PBX4: variants seen among roughly 807,000 people sequenced by gnomAD.
PBX4 encodes the protein PBX homeobox 4.
PBX4 carries 26 observed loss-of-function variants against 35.1 expected under a neutral mutation model. That is an observed-to-expected ratio of 0.74 (90% CI 0.54 to 1.03). The LOEUF (loss-of-function observed/expected upper bound fraction) is 1.03. Among genes scored for constraint, PBX4 ranks in the 50% least tolerant of loss-of-function variants. The pLI is 0.00. For synonymous variants in PBX4, 199 were observed against 204.2 expected, an observed-to-expected ratio of 0.97 and a Z score of 0.22; for missense variants, 448 against 504.3, an observed-to-expected ratio of 0.89 and a Z score of 1.07.
At chr19:19,575,141 G>A (rs1310699600) in intron 2 of PBX4, among the ~76,000 whole-genome samples, 2 of 151,800 alleles carry the variant, frequency 1.3e-5, no homozygotes, top group Non-Finnish European at 2.9e-5. Flanking sequence ...GGAGGCTGAG[G>A]CAGGAGAATG....
At chr19:19,588,361 A>G in intron 2 of PBX4, 1 of 1,321,962 alleles carries the variant, frequency 7.6e-7, no homozygotes, top group Non-Finnish European at 1.1e-6. Flanking sequence ...CAGTCATCTG[A>G]TGGCAACACC....
At chr19:19,564,397 G>T (rs2061328061) in intron 6 of PBX4, among the ~76,000 whole-genome samples, 1 of 151,684 alleles carries the variant, frequency 6.6e-6, no homozygotes, top group Admixed American at 6.6e-5. Context: ...TATCATTGTT[G>T]GACATTTGGG....
intron 1 of PBX4, among the ~76,000 whole-genome samples, chr19:19,612,045 G>A (rs1479128471): frequency 6.6e-6 from 1 of 152,054 alleles, no homozygotes; most frequent in Non-Finnish European, 1.5e-5. Flanking sequence ...GAGGCAGGCA[G>A]ATCACCTGAA....
intron 2 of PBX4, among the ~76,000 whole-genome samples, chr19:19,591,942 A>C (rs144527782): frequency 0.015 from 2,296 of 152,028 alleles, 80 homozygotes; most frequent in South Asian, 0.076. Context: ...CTCACTGCAA[A>C]CCTCACATCC....
At chr19:19,589,583 A>G (rs966287811) in intron 2 of PBX4, among the ~76,000 whole-genome samples, 6 of 152,138 alleles carry the variant, frequency 3.9e-5, no homozygotes, top group African/African-American at 1.2e-4. Context: ...CAGCCTGGCC[A>G]ACGCGGTGAA....
chr19:19,599,947 T>C (rs1181497090), intron 1 of PBX4, among the ~76,000 whole-genome samples: 1 of 132,488 alleles, frequency 7.5e-6, no homozygotes, highest in Non-Finnish European at 1.6e-5. Context: ...CACTCCAGCC[T>C]AAGTGACAGA....
Position 19,561,914 on chromosome 19 carries a change from C to G in PBX4, c.*111G>C. Reference sequence around the variant, plus strand: ...GCTGAGGAGCAGGGGCTCATGGGCACCACCACCCATCTGGGTTTTCTGAGG... The same window carrying G: ...GCTGAGGAGCAGGGGCTCATGGGCAGCACCACCCATCTGGGTTTTCTGAGG... On this transcript the variant is annotated 3_prime_UTR_variant, in exon 8 of 8. Transcript: ENST00000251203. The G allele has an allele frequency of 2.3e-6, 2 of 884,762 alleles. No homozygotes were observed. The highest frequency in any genetic ancestry group is 1.7e-6 in the Non-Finnish European group (1 of 590,704). The allele number at this position is 884,762 out of a possible 1,614,324, so 54.8% of individuals were successfully genotyped here.
At chr19:19,599,219 C>T (rs1035286309) in intron 2 of PBX4, 73 bp downstream of exon 2, 40 of 1,293,146 alleles carry the variant, frequency 3.1e-5, no homozygotes, top group Middle Eastern at 2.5e-4. Context: ...TGCCCGCCTC[C>T]GCCTCCCAAT....
intron 5 of PBX4, among the ~76,000 whole-genome samples, chr19:19,569,120 G>T (rs1436834761): frequency 6.6e-6 from 1 of 152,022 alleles, no homozygotes; most frequent in Non-Finnish European, 1.5e-5. Flanking sequence ...ATGCAGTGGC[G>T]CCATCATAGC....
chr19:19,585,219 G>T (rs548052410), intron 2 of PBX4, among the ~76,000 whole-genome samples: 1 of 152,006 alleles, frequency 6.6e-6, no homozygotes, highest in East Asian at 1.9e-4. Flanking sequence ...CAGCTACTTG[G>T]GGGGCTGAGG....
At chr19:19,566,433 C>T (rs2061342409) in intron 5 of PBX4, among the ~76,000 whole-genome samples, 1 of 152,234 alleles carries the variant, frequency 6.6e-6, no homozygotes, top group African/African-American at 2.4e-5. Context: ...CCATCCAGGG[C>T]CACATTTCAG....
chr19:19,562,278 G>GGTCA lies in PBX4; in HGVS notation c.1033-162_1033-161insTGAC, dbSNP rs1234463232. ...GGAGGAGGGAAGGGATGGAGGGGTCGGTCCTGGGTCACAGCTGGCCTTGCC... is the reference window on the plus strand; with the variant it reads ...GGAGGAGGGAAGGGATGGAGGGGTCGGTCAGTCCTGGGTCACAGCTGGCCTTGCC... On this transcript the variant is annotated intron_variant, in intron 7 of 7. Transcript: ENST00000251203. The surrounding 1 kb of genome is among the most constrained non-coding windows in gnomAD (Gnocchi z 4.8). Among the ~76,000 whole-genome samples the GGTCA allele has an allele frequency of 2.6e-5, 4 of 152,150 alleles. No individual in the cohort carries two copies. Among genetic ancestry groups the GGTCA allele is most frequent in the African/African-American group, 9.7e-5 (4 of 41,416 alleles).
At chr19:19,567,968 T>TCTCTGTCCCTCAGGGAGCTCACACTCCAC (rs1491345089) in intron 5 of PBX4, among the ~76,000 whole-genome samples, 1 of 145,428 alleles carries the variant, frequency 6.9e-6, no homozygotes, top group African/African-American at 2.6e-5. Context: ...TCACACTCCA[T>TCTCTGTCCCTCAGGGAGCTCACACTCCAC]CTCTGTCCCT....
chr19:19,591,862 AT>A (rs1469117972), intron 2 of PBX4, among the ~76,000 whole-genome samples: 1 of 152,050 alleles, frequency 6.6e-6, no homozygotes, highest in Non-Finnish European at 1.5e-5. Context: ...CTTATTTTTT[AT>A]TTTTATATTT....
Position 19,607,575 on chromosome 19 carries a change from A to C in PBX4, c.120-8210T>G, listed in dbSNP as rs1215153552. 2.6e-5 allele frequency among the ~76,000 whole-genome samples: 4 copies of C among 152,214 alleles called. No individual in the cohort carries two copies. In the South Asian group the frequency reaches 6.2e-4, roughly 24 times the overall value. On this transcript the variant is annotated intron_variant, in intron 1 of 7. Coordinates refer to ENST00000251203, the MANE Select transcript of PBX4 (RefSeq NM_025245.3). Reference sequence around the variant, plus strand: ...AAAATGCCAGAAAGTGAAAGCATAGAGCTTTATCCCCCTTCAACCTCATTT... The same window carrying C: ...AAAATGCCAGAAAGTGAAAGCATAGCGCTTTATCCCCCTTCAACCTCATTT...
intron 1 of PBX4, among the ~76,000 whole-genome samples, chr19:19,611,100 A>AAT: frequency 6.6e-6 from 1 of 152,284 alleles, no homozygotes; most frequent in East Asian, 1.9e-4. Flanking sequence ...ACTATGTATG[A>AAT]ATATAAGGTC....
chr19:19,565,193 A>C (rs1251771425), intron 5 of PBX4, 104 bp from the exon 6 acceptor site: 4 of 1,354,758 alleles, frequency 3.0e-6, no homozygotes, highest in African/African-American at 2.9e-5. Flanking sequence ...CTGCCTTAGA[A>C]GACAACACTG....
intron 6 of PBX4, among the ~76,000 whole-genome samples, chr19:19,564,055 G>A (rs867469493): frequency 1.5e-4 from 22 of 151,136 alleles, no homozygotes; most frequent in African/African-American, 4.4e-4. Context: ...GGTTTGTTAC[G>A]TATGTATACA....
intron 2 of PBX4, among the ~76,000 whole-genome samples, chr19:19,577,750 T>C (rs1292159412): frequency 2.0e-5 from 3 of 151,816 alleles, no homozygotes; most frequent in East Asian, 1.9e-4. Flanking sequence ...TCCCCACTAC[T>C]TGGGAGGCTG....
Sources: allele counts gnomAD v4.1 joint callset (sites outside exome capture counted in the v4.1 genomes callset), GRCh38; gene constraint gnomAD v4.1.1; non-coding constraint Gnocchi (gnomAD v3.1); transcripts MANE v1.5; gene names NCBI Gene and HGNC (gene_info 2026-07-23, HGNC 2026-07-21).